The following PTPRD variants were observed in gnomAD, a reference collection of about 807,000 sequenced individuals.
The protein encoded by PTPRD is receptor-type tyrosine-protein phosphatase delta.
PTPRD carries 34 observed loss-of-function variants against 214.5 expected under a neutral mutation model. That is an observed-to-expected ratio of 0.16 (90% CI 0.12 to 0.21). The LOEUF (loss-of-function observed/expected upper bound fraction) is 0.21, where lower values mean the gene tolerates loss of function less well. Ranked by LOEUF, PTPRD falls within the 10% of genes least tolerant of loss-of-function variation. PTPRD has a pLI of 1.00. For synonymous variants in PTPRD, 1,128 were observed against 845.7 expected (o/e 1.33, Z -5.79); for missense variants, 2,545 against 2,398.7 (o/e 1.06, Z -1.27).
chr9:10,253,323 A>C (rs1435434440), intron 3 of PTPRD, among the ~76,000 whole-genome samples: 1 of 152,184 alleles, frequency 6.6e-6, no homozygotes, highest in Non-Finnish European at 1.5e-5. Context: ...TTCCATCAGT[A>C]ATTGCCATAG....
At chr9:10,563,374 G>C (rs1384872774) in intron 2 of PTPRD, among the ~76,000 whole-genome samples, 2 of 152,128 alleles carry the variant, frequency 1.3e-5, no homozygotes, top group South Asian at 2.1e-4. Context: ...GAAAAAAAGA[G>C]ACAGAAAACT....
At chr9:9,073,909 A>C (rs987538876) in intron 10 of PTPRD, among the ~76,000 whole-genome samples, 1 of 152,048 alleles carries the variant, frequency 6.6e-6, no homozygotes, top group African/African-American at 2.4e-5. Flanking sequence ...GTAATTAAGC[A>C]TCTAGTCTGT....
At chr9:8,522,426 T>C (rs148987466) in intron 19 of PTPRD, among the ~76,000 whole-genome samples, 37 of 152,250 alleles carry the variant, frequency 2.4e-4, no homozygotes, top group East Asian at 1.5e-3. Context: ...AAGGTAAGGA[T>C]TGCAAATTCA....
chr9:10,369,777 A>G (rs1245145163), intron 2 of PTPRD, among the ~76,000 whole-genome samples: 1 of 152,114 alleles, frequency 6.6e-6, no homozygotes, highest in Admixed American at 6.6e-5. Flanking sequence ...CCAAAAGAAT[A>G]GCATTAAGTG....
chr9:9,389,372 T>C (rs1485934682), intron 9 of PTPRD, among the ~76,000 whole-genome samples: 1 of 152,042 alleles, frequency 6.6e-6, no homozygotes, highest in Non-Finnish European at 1.5e-5. Context: ...TAGCCGGGCG[T>C]GGTGGCACAT....
At chr9:8,353,135 G>T (rs1326927149) in intron 39 of PTPRD, among the ~76,000 whole-genome samples, 1 of 152,034 alleles carries the variant, frequency 6.6e-6, no homozygotes, top group Non-Finnish European at 1.5e-5. Flanking sequence ...AAAAGAAAAA[G>T]GCTATTATCG....
chr9:9,945,499 G>C (rs1056659609), intron 4 of PTPRD, among the ~76,000 whole-genome samples: 8 of 152,092 alleles, frequency 5.3e-5, no homozygotes, highest in African/African-American at 1.4e-4. Context: ...AGAGAGTGGG[G>C]TCCCAGAAGC....
chr9:8,968,657 T>C (rs2099215912), intron 11 of PTPRD, among the ~76,000 whole-genome samples: 1 of 152,090 alleles, frequency 6.6e-6, no homozygotes, highest in African/African-American at 2.4e-5. Flanking sequence ...AAAGGTTAAG[T>C]TATCCAAATT....
intron 2 of PTPRD, among the ~76,000 whole-genome samples, chr9:10,505,613 C>T (rs538517723): frequency 2.6e-5 from 4 of 151,974 alleles, no homozygotes; most frequent in African/African-American, 4.8e-5. Flanking sequence ...ACCAGGCATA[C>T]CATGGGTTAA....
intron 10 of PTPRD, among the ~76,000 whole-genome samples, chr9:9,147,752 C>A (rs1244788864): frequency 2.0e-5 from 3 of 151,974 alleles, no homozygotes; most frequent in South Asian, 4.1e-4. Context: ...ATGTTTGAGA[C>A]CCTCCCCCCT....
At chr9:9,039,173 C>T (rs571986841) in intron 10 of PTPRD, among the ~76,000 whole-genome samples, 1 of 152,272 alleles carries the variant, frequency 6.6e-6, no homozygotes, top group South Asian at 2.1e-4. Context: ...GAATGACCTC[C>T]AGGCTAAGGC....
At chr9:10,464,276 C>G (rs149091572) in intron 2 of PTPRD, among the ~76,000 whole-genome samples, 2 of 151,908 alleles carry the variant, frequency 1.3e-5, no homozygotes, top group African/African-American at 4.8e-5. Context: ...TTTTAAAAAG[C>G]TGGGCATGGC....
chr9:10,413,636 A>G (rs1171860097), intron 2 of PTPRD, among the ~76,000 whole-genome samples: 1 of 152,014 alleles, frequency 6.6e-6, no homozygotes, highest in African/African-American at 2.4e-5. Context: ...CCAAAAAAAG[A>G]GCCCAAATAG....
At chr9:9,641,601 C>A (rs2095956295) in intron 7 of PTPRD, among the ~76,000 whole-genome samples, 1 of 152,148 alleles carries the variant, frequency 6.6e-6, no homozygotes. Context: ...AAAGCCAGTG[C>A]CCTTATACAA....
intron 9 of PTPRD, among the ~76,000 whole-genome samples, chr9:9,300,987 A>G (rs1264839695): frequency 2.0e-5 from 3 of 151,790 alleles, no homozygotes; most frequent in African/African-American, 7.3e-5. Flanking sequence ...GAACTCACCA[A>G]AGCACCAGCA....
chr9:9,488,284 T>G (rs2095744410), intron 8 of PTPRD, among the ~76,000 whole-genome samples: 1 of 152,206 alleles, frequency 6.6e-6, no homozygotes, highest in African/African-American at 2.4e-5. Context: ...ACAGTAATTC[T>G]TTGGTGTAAT....
intron 3 of PTPRD, among the ~76,000 whole-genome samples, chr9:10,152,533 G>A (rs2099067571): frequency 6.6e-6 from 1 of 152,010 alleles, no homozygotes; most frequent in Non-Finnish European, 1.5e-5. Flanking sequence ...CCTTAAAGAA[G>A]AAGGAAATCA....
intron 5 of PTPRD, among the ~76,000 whole-genome samples, chr9:9,773,597 T>C (rs575554010): frequency 6.6e-6 from 1 of 152,310 alleles, no homozygotes; most frequent in South Asian, 2.1e-4. Context: ...ATAAGGTACA[T>C]ACACTGCTAT....
chr9:9,420,215 C>A (rs777883908), intron 8 of PTPRD, among the ~76,000 whole-genome samples: 23 of 151,708 alleles, frequency 1.5e-4, no homozygotes, highest in Non-Finnish European at 3.4e-4. Flanking sequence ...TTAATTGACA[C>A]AAACAAAATA....
Sources: allele counts gnomAD v4.1 joint callset (sites outside exome capture counted in the v4.1 genomes callset), GRCh38; gene constraint gnomAD v4.1.1; transcripts MANE v1.5; gene names NCBI Gene and HGNC (gene_info 2026-07-23, HGNC 2026-07-21).